SULF1: variants seen among roughly 807,000 people sequenced by gnomAD.
SULF1 encodes extracellular sulfatase Sulf-1.
A neutral mutation model predicts 110.5 loss-of-function variants in SULF1; 46 were observed. The ratio of observed to expected loss-of-function variants is 0.42; its 90% confidence interval spans 0.33 to 0.53. The LOEUF (loss-of-function observed/expected upper bound fraction) is 0.53. Among genes scored for constraint, SULF1 ranks in the 20% least tolerant of loss-of-function variants. The probability of loss-of-function intolerance (pLI) is 0.12; values close to 1 mark genes in which losing one functional copy is unlikely to be tolerated. For synonymous variants in SULF1, 371 were observed against 387.1 expected (o/e 0.96, Z 0.49); for missense variants, 941 against 1,094.2 (o/e 0.86, Z 1.98).
At chr8:69,489,456 C>G (rs1380571423), upstream of SULF1, among the ~76,000 whole-genome samples, 1 of 151,210 alleles carries the variant, frequency 6.6e-6, no homozygotes, top group Non-Finnish European at 1.5e-5. Flanking sequence ...TAATTTTAGT[C>G]TGTCACAAGG....
At chr8:69,524,353 C>A (rs1812521728) in intron 3 of SULF1, among the ~76,000 whole-genome samples, 1 of 152,094 alleles carries the variant, frequency 6.6e-6, no homozygotes, top group Admixed American at 6.6e-5. Flanking sequence ...GCATATACTT[C>A]TGGTGAGGCT....
chr8:69,473,418 CAAAAT>C (rs1388441872), intron 1 of SULF1: 6 of 152,124 alleles, frequency 3.9e-5, no homozygotes, highest in African/African-American at 1.4e-4. Flanking sequence ...TAGACTCTCT[CAAAAT>C]AAATCTATAA....
chr8:69,489,052 T>A (rs1809811300), upstream of SULF1, among the ~76,000 whole-genome samples: 1 of 152,040 alleles, frequency 6.6e-6, no homozygotes, highest in Non-Finnish European at 1.5e-5. Context: ...GGGACATATC[T>A]ATGAAAGCAG....
At chr8:69,593,798 T>C (rs773193980) in intron 8 of SULF1, among the ~76,000 whole-genome samples, 2 of 152,222 alleles carry the variant, frequency 1.3e-5, no homozygotes, top group Non-Finnish European at 2.9e-5. Context: ...GCGCTCTGGC[T>C]AAGACTCTAC....
At chr8:69,519,820 G>A (rs910014566) in intron 3 of SULF1, among the ~76,000 whole-genome samples, 1 of 152,106 alleles carries the variant, frequency 6.6e-6, no homozygotes, top group Non-Finnish European at 1.5e-5. Flanking sequence ...TCTTTTAAAA[G>A]TCTATGCAGC....
chr8:69,619,027 C>T (rs1327851159), intron 13 of SULF1, among the ~76,000 whole-genome samples: 1 of 152,038 alleles, frequency 6.6e-6, no homozygotes, highest in Non-Finnish European at 1.5e-5. Context: ...GGTATGAGAT[C>T]CTTTTAAATG....
chr8:69,481,885 C>A (rs1277244712), intron 1 of SULF1, among the ~76,000 whole-genome samples: 1 of 152,128 alleles, frequency 6.6e-6, no homozygotes, highest in Non-Finnish European at 1.5e-5. Flanking sequence ...CTATTTATAT[C>A]TCAGTTGTTG....
intron 6 of SULF1, chr8:69,584,490 G>C (rs113889290): frequency 6.6e-6 from 1 of 152,194 alleles, no homozygotes; most frequent in Non-Finnish European, 1.5e-5. Context: ...CATTCAGATG[G>C]AGGAATTCTA....
At position 69,520,907 on chromosome 8, in the gene SULF1, C is replaced by G. The variant is rs562404424; in HGVS notation, c.-134+18939C>G. Among the ~76,000 whole-genome samples, 12 of 152,298 alleles carry G rather than the reference C, an allele frequency of 7.9e-5. No individual in the cohort carries two copies. In the South Asian group the frequency reaches 2.1e-3, roughly 26 times the overall value. On this transcript the variant is annotated intron_variant, in intron 3 of 22. Transcript: ENST00000402687. ...AGACCCTAAAATGAGGCCACTCAAC[C>G]TAATTCTGTCTTTCAAAAAGCTCTT...
chr8:69,530,995 AC>A (rs1173999567), intron 3 of SULF1, among the ~76,000 whole-genome samples: 7 of 152,154 alleles, frequency 4.6e-5, no homozygotes, highest in African/African-American at 1.2e-4. Context: ...AATTTCCAAA[AC>A]GATGGCATGA....
At chr8:69,578,293 C>T (rs7829341) in intron 6 of SULF1, among the ~76,000 whole-genome samples, 2,312 of 152,238 alleles carry the variant, frequency 0.015, 55 homozygotes, top group African/African-American at 0.052. Flanking sequence ...TTTACACCCA[C>T]AAGAATAAAG....
At chr8:69,574,560 C>G (rs556795478) in intron 5 of SULF1, among the ~76,000 whole-genome samples, 1 of 152,286 alleles carries the variant, frequency 6.6e-6, no homozygotes, top group South Asian at 2.1e-4. Context: ...GCAAATATCC[C>G]CAAGTGATTT....
intron 6 of SULF1, among the ~76,000 whole-genome samples, chr8:69,577,493 T>A (rs1805702733): frequency 6.6e-6 from 1 of 152,136 alleles, no homozygotes; most frequent in Non-Finnish European, 1.5e-5. Flanking sequence ...TTGTGTGAAA[T>A]CAGTGCCTTT....
At chr8:69,469,420 A>T (rs1193585306) in intron 1 of SULF1, 2 of 152,176 alleles carry the variant, frequency 1.3e-5, no homozygotes, top group African/African-American at 4.8e-5. Context: ...AGAGGTGAAA[A>T]GTGATCTGAA....
chr8:69,527,993 G>A (rs932608256), intron 3 of SULF1, among the ~76,000 whole-genome samples: 1 of 152,142 alleles, frequency 6.6e-6, no homozygotes, highest in African/African-American at 2.4e-5. Flanking sequence ...CCAGTTTGGA[G>A]AGGATAAAGT....
chr8:69,645,731 C>CTTATG (rs527837331), intron 22 of SULF1, among the ~76,000 whole-genome samples: 12,679 of 151,910 alleles, frequency 0.083, 1,538 homozygotes, highest in African/African-American at 0.27. Context: ...GGGGACTTAT[C>CTTATG]ATCAGTTCCG....
In SULF1 at chr8:69,482,232, T is replaced by A. The variant is rs140186509; in HGVS notation, c.-390-13533T>A. On this transcript the variant is annotated intron_variant, in intron 1 of 22. Coordinates refer to the SULF1 transcript ENST00000260128. Reference sequence around the variant, plus strand: ...AAATTTGGCACTATAACCGGCTAGATAATGGGCTCTCTTCATTTGCACTCT... The same window carrying A: ...AAATTTGGCACTATAACCGGCTAGAAAATGGGCTCTCTTCATTTGCACTCT... 1.8e-3 allele frequency among the ~76,000 whole-genome samples: 273 copies of A among 152,312 alleles called. 1 individual carries two copies. The highest frequency in any genetic ancestry group is 6.2e-3 in the African/African-American group (256 of 41,572).
intron 3 of SULF1, among the ~76,000 whole-genome samples, chr8:69,528,309 C>T (rs1812842267): frequency 6.6e-6 from 1 of 152,126 alleles, no homozygotes; most frequent in African/African-American, 2.4e-5. Context: ...TCAGCAATTC[C>T]TGTGAGATAG....
chr8:69,503,683 C>T (rs2150576094), intron 3 of SULF1, among the ~76,000 whole-genome samples: 1 of 152,292 alleles, frequency 6.6e-6, no homozygotes, highest in Non-Finnish European at 1.5e-5. Flanking sequence ...ACTGGAAAAC[C>T]CCTGATACTA....
Sources: allele counts gnomAD v4.1 joint callset (sites outside exome capture counted in the v4.1 genomes callset), GRCh38; gene constraint gnomAD v4.1.1; transcripts MANE v1.5; gene names NCBI Gene and HGNC (gene_info 2026-07-23, HGNC 2026-07-21).